The following ATP8A1 variants were observed in gnomAD, a reference collection of about 807,000 sequenced individuals.
The protein encoded by ATP8A1 is ATPase phospholipid transporting 8A1, also known as phospholipid-transporting ATPase IA.
Under a neutral mutation model 177.7 loss-of-function variants are expected in ATP8A1, and 90 were observed. The ratio of observed to expected loss-of-function variants is 0.51; its 90% CI spans 0.43 to 0.60. The LOEUF is 0.60. Among genes scored for constraint, ATP8A1 ranks in the 20% least tolerant of loss-of-function variants. ATP8A1 has a pLI of 0.00. For synonymous variants in ATP8A1, 493 were observed against 485.9 expected (o/e 1.01, Z -0.19); for missense variants, 1,072 against 1,392.8 (o/e 0.77, Z 3.67).
At chr4:42,458,086 C>T (rs1023486636) in intron 27 of ATP8A1, among the ~76,000 whole-genome samples, 1 of 152,070 alleles carries the variant, frequency 6.6e-6, no homozygotes, top group African/African-American at 2.4e-5. Context: ...GTTTACATAT[C>T]TTAAAGGAGA....
intron 5 of ATP8A1, among the ~76,000 whole-genome samples, chr4:42,611,528 T>C (rs992596523): frequency 2.0e-5 from 3 of 152,168 alleles, no homozygotes; most frequent in African/African-American, 7.2e-5. Flanking sequence ...GGAATACACC[T>C]GGGGCTTTAA....
intron 6 of ATP8A1, among the ~76,000 whole-genome samples, chr4:42,599,808 T>C (rs1735067824): frequency 6.6e-6 from 1 of 152,320 alleles, no homozygotes; most frequent in South Asian, 2.1e-4. Context: ...AAAAGTCTTT[T>C]ACCAAGTTAC....
At position 42,470,644 on chromosome 4, in the gene ATP8A1, A is replaced by G. The variant is rs141829641; in HGVS notation, c.2325-5568T>C. 2.6e-5 allele frequency among the ~76,000 whole-genome samples: 4 copies of G among 152,294 alleles called. No homozygotes were observed. The East Asian group carries it at 7.7e-4, about 29-fold the overall frequency. ...ATATGATCTCAAAGACTTATACTGG[A>G]AACTTAAAAATTACTATGAAGTTGC... On this transcript the variant is annotated intron_variant, in intron 25 of 36. Transcript: ENST00000381668.
chr4:42,472,017 A>C, intron 25 of ATP8A1: 1 of 720,468 alleles, frequency 1.4e-6, no homozygotes, highest in South Asian at 1.4e-5. Context: ...TCCTCAACTG[A>C]AATCTTTCCA....
intron 1 of ATP8A1, among the ~76,000 whole-genome samples, chr4:42,656,579 T>A (rs1025183348): frequency 7.9e-5 from 12 of 152,066 alleles, no homozygotes; most frequent in African/African-American, 2.9e-4. Context: ...ATGGTCACAC[T>A]GCGGTGCAAA....
chr4:42,563,005 C>A (rs1266804434), intron 15 of ATP8A1, among the ~76,000 whole-genome samples: 1 of 152,152 alleles, frequency 6.6e-6, no homozygotes. Flanking sequence ...TAGAGTGGGG[C>A]ACCGCTGAAA....
At chr4:42,631,740 T>C (rs1000771560) in intron 1 of ATP8A1, among the ~76,000 whole-genome samples, 6 of 152,294 alleles carry the variant, frequency 3.9e-5, no homozygotes, top group East Asian at 1.9e-4. Flanking sequence ...CGAACACAAA[T>C]TGATATTTAA....
chr4:42,484,858 C>A (rs781394203), intron 25 of ATP8A1, among the ~76,000 whole-genome samples: 1 of 152,122 alleles, frequency 6.6e-6, no homozygotes. Flanking sequence ...TGGGCATATT[C>A]ATCATATTCA....
chr4:42,518,800 C>G (rs1725824794), intron 22 of ATP8A1, among the ~76,000 whole-genome samples: 1 of 152,130 alleles, frequency 6.6e-6, no homozygotes, highest in South Asian at 2.1e-4. Context: ...AATGGATGAA[C>G]CCTAGGACTG....
chr4:42,520,786 C>A (rs1387522556), intron 22 of ATP8A1, among the ~76,000 whole-genome samples: 3 of 151,940 alleles, frequency 2.0e-5, no homozygotes, highest in Admixed American at 6.6e-5. Flanking sequence ...TCTATATATA[C>A]AGGTATGATA....
intron 6 of ATP8A1, among the ~76,000 whole-genome samples, chr4:42,592,365 T>C (rs1734266970): frequency 6.6e-6 from 1 of 152,150 alleles, no homozygotes; most frequent in Non-Finnish European, 1.5e-5. Context: ...AGTAGCTTGC[T>C]GGGGAGTTTC....
intron 11 of ATP8A1, 23 bp from the exon 12 acceptor site, chr4:42,578,410 C>T (rs759040961): frequency 1.2e-4 from 198 of 1,603,860 alleles, no homozygotes; most frequent in Non-Finnish European, 1.6e-4. Flanking sequence ...GCAGGAAGAA[C>T]GTCATTTACA....
At chr4:42,476,609 A>G (rs6812080) in intron 25 of ATP8A1, among the ~76,000 whole-genome samples, 93,075 of 150,946 alleles carry the variant, frequency 0.62, 30,961 homozygotes, top group East Asian at 0.74. Flanking sequence ...ACAGGGTGAG[A>G]TTAAAAAAAA....
intron 24 of ATP8A1, 77 bp from the exon 25 acceptor site, chr4:42,485,745 G>C: frequency 8.1e-7 from 1 of 1,229,390 alleles, no homozygotes; most frequent in East Asian, 2.5e-5. Context: ...AGGATATTTG[G>C]CAACTACATT....
intron 24 of ATP8A1, among the ~76,000 whole-genome samples, chr4:42,496,591 T>C (rs1054756437): frequency 6.6e-6 from 1 of 152,158 alleles, no homozygotes; most frequent in Non-Finnish European, 1.5e-5. Flanking sequence ...GAGAAATTGT[T>C]ACCCAGAACC....
intron 8 of ATP8A1, 62 bp downstream of exon 8, chr4:42,588,198 A>C: frequency 4.4e-6 from 6 of 1,366,066 alleles, no homozygotes; most frequent in Non-Finnish European, 2.1e-6. Context: ...ACAAAGAAAG[A>C]AGCTCTTAAT....
chr4:42,648,730 A>G (rs1740795750), intron 1 of ATP8A1, among the ~76,000 whole-genome samples: 1 of 152,210 alleles, frequency 6.6e-6, no homozygotes, highest in African/African-American at 2.4e-5. Flanking sequence ...AACTATGAAT[A>G]AGGAAAAAAG....
intron 6 of ATP8A1, among the ~76,000 whole-genome samples, chr4:42,592,137 C>T (rs889403308): frequency 6.6e-6 from 1 of 152,124 alleles, no homozygotes. Context: ...ATTGAAATGT[C>T]TAGCAGCACA....
At chr4:42,614,641 A>G (rs2109446528) in intron 5 of ATP8A1, among the ~76,000 whole-genome samples, 1 of 152,212 alleles carries the variant, frequency 6.6e-6, no homozygotes, top group South Asian at 2.1e-4. Context: ...CTCAATATCC[A>G]CAAGAAATAT....
Sources: allele counts gnomAD v4.1 joint callset (sites outside exome capture counted in the v4.1 genomes callset), GRCh38; gene constraint gnomAD v4.1.1; transcripts MANE v1.5; gene names NCBI Gene and HGNC (gene_info 2026-07-23, HGNC 2026-07-21).